The following THSD7A variants were observed in gnomAD, a reference collection of about 807,000 sequenced individuals.
THSD7A encodes thrombospondin type-1 domain-containing protein 7A.
THSD7A carries 96 observed loss-of-function variants against 231.3 expected under a neutral mutation model. The observed-to-expected ratio is 0.41, with a 90% confidence interval of 0.35 to 0.49. The LOEUF (loss-of-function observed/expected upper bound fraction) is 0.49. Ranked by LOEUF, THSD7A falls within the 20% of genes least tolerant of loss-of-function variation. THSD7A has a pLI of 0.05. For missense variants in THSD7A, 2,290 were observed against 2,070.2 expected (o/e 1.11, Z -2.06); for synonymous variants, 940 against 743.3 (o/e 1.26, Z -4.30).
intron 6 of THSD7A, among the ~76,000 whole-genome samples, chr7:11,484,874 A>ATTTTTTTTT (rs56353626): frequency 0.035 from 1,893 of 53,864 alleles, 423 homozygotes; most frequent in African/African-American, 0.037. Flanking sequence ...CACAACCTTA[A>ATTTTTTTTT]TTTTTTTTTT....
At chr7:11,568,705 T>C (rs189833538) in intron 4 of THSD7A, among the ~76,000 whole-genome samples, 40 of 131,318 alleles carry the variant, frequency 3.0e-4, no homozygotes, top group Non-Finnish European at 5.6e-4. Context: ...TCTTATTCCA[T>C]AGAATATTGG....
intron 6 of THSD7A, among the ~76,000 whole-genome samples, chr7:11,520,956 A>G (rs1788236163): frequency 6.6e-6 from 1 of 152,208 alleles, no homozygotes; most frequent in South Asian, 2.1e-4. Flanking sequence ...CAGTCTACAA[A>G]TATACTGAAA....
chr7:11,450,791 T>C (rs895926477), intron 11 of THSD7A, among the ~76,000 whole-genome samples: 5 of 152,038 alleles, frequency 3.3e-5, no homozygotes, highest in Non-Finnish European at 7.4e-5. Context: ...TATCTAATGA[T>C]GACACAAGTT....
At chr7:11,568,917 G>A (rs1407942591) in intron 4 of THSD7A, among the ~76,000 whole-genome samples, 2 of 150,244 alleles carry the variant, frequency 1.3e-5, no homozygotes, top group African/African-American at 4.9e-5. Flanking sequence ...AAAATTGATG[G>A]CTTTTCTATA....
At chr7:11,785,577 A>C (rs111489676) in intron 1 of THSD7A, among the ~76,000 whole-genome samples, 2 of 152,044 alleles carry the variant, frequency 1.3e-5, no homozygotes, top group African/African-American at 4.8e-5. Flanking sequence ...CCTGCTGTTA[A>C]TCCTTATTGT....
intron 1 of THSD7A, among the ~76,000 whole-genome samples, chr7:11,753,662 C>G (rs1736514869): frequency 2.0e-5 from 3 of 151,806 alleles, no homozygotes; most frequent in African/African-American, 4.8e-5. Flanking sequence ...AGTTCCCAGT[C>G]TGGCTGGCCT....
intron 4 of THSD7A, among the ~76,000 whole-genome samples, chr7:11,565,216 A>G (rs573056277): frequency 6.7e-4 from 102 of 152,340 alleles, no homozygotes; most frequent in Middle Eastern, 3.4e-3. Context: ...GTTATCCAAA[A>G]TATAATAACA....
At position 11,406,055 on chromosome 7, in the gene THSD7A, C is replaced by A. The variant is rs146594669; in HGVS notation, c.4237+245G>T. 2.0e-5 allele frequency among the ~76,000 whole-genome samples: 3 copies of A among 152,214 alleles called. No individual in the cohort carries two copies. The East Asian group carries it at 5.8e-4, about 29-fold the overall frequency. On this transcript the variant is annotated intron_variant, in intron 22 of 27. Coordinates refer to ENST00000423059, the MANE Select transcript of THSD7A (RefSeq NM_015204.3). The surrounding 1 kb of genome is among the most constrained non-coding windows in gnomAD (Gnocchi z 4.7). The stretch of plus-strand genomic sequence containing the variant: ...GGGCTTAAGGCCTTAAATACCATCT[C>A]CTGCAGATGTTAAAACTCCAGAGGG...
At position 11,831,657 on chromosome 7, in the gene THSD7A, C is replaced by T. The variant is rs1785195659; in HGVS notation, c.190+100G>A. The T allele has an allele frequency of 2.4e-6, 2 of 844,604 alleles. No homozygotes were observed. Among genetic ancestry groups the T allele is most frequent in the Non-Finnish European group, 3.2e-6 (2 of 630,050 alleles). The allele number at this position is 844,604 out of a possible 1,614,324, so 52.3% of individuals were successfully genotyped here. ...TTTTACCTTAGGATACCAGCATAAC[C>T]AAGCCATCCAAAAGCACCGGGGTCC... On this transcript the variant is annotated intron_variant, in intron 1 of 27. Coordinates refer to ENST00000423059, the MANE Select transcript of THSD7A (RefSeq NM_015204.3). This position sits in a 1 kb window ranked among gnomAD's most constrained non-coding sequence, Gnocchi z 5.0.
rs114818261 is a variant in THSD7A, at chr7:11,640,096, T to C, written c.191-3135A>G. Among the ~76,000 whole-genome samples the C allele has an allele frequency of 5.7e-3, 872 of 152,336 alleles. 7 individuals carry two copies. The highest frequency in any genetic ancestry group is 0.02 in the African/African-American group (825 of 41,566). ...CCATATATGTTTCTCACGTAATGTT[T>C]AAATGTTAGTCACACTTTCGGTTAG... On this transcript the variant is annotated intron_variant, in intron 1 of 27. Transcript: ENST00000423059.
chr7:11,578,278 A>G (rs1398918029), intron 4 of THSD7A, among the ~76,000 whole-genome samples: 1 of 152,250 alleles, frequency 6.6e-6, no homozygotes. Context: ...TATGCTAGGA[A>G]ATGATTTACA....
chr7:11,750,672 T>G (rs940870126), intron 1 of THSD7A, among the ~76,000 whole-genome samples: 2 of 151,994 alleles, frequency 1.3e-5, no homozygotes, highest in Admixed American at 6.6e-5. Flanking sequence ...GGCCTCAAAC[T>G]TATATGGCCA....
intron 15 of THSD7A, among the ~76,000 whole-genome samples, chr7:11,425,494 T>C (rs13243949): frequency 0.12 from 18,101 of 151,994 alleles, 1,450 homozygotes; most frequent in Non-Finnish European, 0.19. Flanking sequence ...ACAAGGCAAA[T>C]TGTCTCTGCT....
intron 1 of THSD7A, among the ~76,000 whole-genome samples, chr7:11,794,615 T>A (rs1784064698): frequency 6.6e-6 from 1 of 151,964 alleles, no homozygotes; most frequent in African/African-American, 2.4e-5. Context: ...TCTGTACCAG[T>A]ATTTAAGCTT....
At chr7:11,504,566 C>T (rs571021671) in intron 6 of THSD7A, among the ~76,000 whole-genome samples, 3 of 152,200 alleles carry the variant, frequency 2.0e-5, no homozygotes, top group Middle Eastern at 3.4e-3. Context: ...TATAATCTGG[C>T]CTACAAAGTG....
chr7:11,734,977 C>T (rs1204379124), intron 1 of THSD7A, among the ~76,000 whole-genome samples: 1 of 151,916 alleles, frequency 6.6e-6, no homozygotes, highest in Non-Finnish European at 1.5e-5. Flanking sequence ...ACTTATGGGA[C>T]TTGCCCACCT....
At chr7:11,538,114 A>G (rs529702862) in intron 6 of THSD7A, among the ~76,000 whole-genome samples, 14 of 152,344 alleles carry the variant, frequency 9.2e-5, no homozygotes, top group African/African-American at 3.1e-4. Flanking sequence ...CAAGGAGGAA[A>G]GTGAGTTGCC....
chr7:11,412,259 C>G (rs185140327), intron 18 of THSD7A, among the ~76,000 whole-genome samples: 1 of 152,202 alleles, frequency 6.6e-6, no homozygotes, highest in Admixed American at 6.5e-5. Context: ...TTATAAACTG[C>G]CCACACCTCA....
chr7:11,766,839 C>A (rs1335325181), intron 1 of THSD7A, among the ~76,000 whole-genome samples: 1 of 152,032 alleles, frequency 6.6e-6, no homozygotes, highest in Non-Finnish European at 1.5e-5. Flanking sequence ...GATTAAAGAA[C>A]AACCACAAAG....
Sources: gnomAD v4.1 joint callset for allele counts (sites outside exome capture counted in the v4.1 genomes callset) on GRCh38, gnomAD v4.1.1 for gene constraint, Gnocchi (gnomAD v3.1) non-coding constraint, MANE v1.5 for transcripts, NCBI Gene and HGNC (gene_info 2026-07-23, HGNC 2026-07-21) for gene names.